GABARAPL2: variants seen among roughly 807,000 people sequenced by gnomAD.
GABARAPL2 encodes the protein GABA type A receptor associated protein like 2, also known as gamma-aminobutyric acid receptor-associated protein-like 2.
Under a neutral mutation model 16.9 loss-of-function variants are expected in GABARAPL2, and 11 were observed. That is an observed-to-expected ratio of 0.65 (90% CI 0.41 to 1.08). The LOEUF (loss-of-function observed/expected upper bound fraction) is 1.08. GABARAPL2 is among the 50% of genes least tolerant of loss of function. The probability of loss-of-function intolerance (pLI) is 0.00; values close to 1 mark genes in which losing one functional copy is unlikely to be tolerated. For missense variants in GABARAPL2, 134 were observed against 142.5 expected (o/e 0.94, Z 0.30); for synonymous variants, 57 against 50.7 (o/e 1.12, Z -0.53).
intron 3 of GABARAPL2, among the ~76,000 whole-genome samples, chr16:75,571,454 AG>A (rs2080914040): frequency 6.6e-6 from 1 of 152,200 alleles, no homozygotes; most frequent in African/African-American, 2.4e-5. Flanking sequence ...TTTCTCTCCA[AG>A]TCCCATTTGC....
At chr16:75,572,669 TG>T (rs2151718898) in intron 3 of GABARAPL2, 1 of 152,308 alleles carries the variant, frequency 6.6e-6, no homozygotes, top group African/African-American at 2.4e-5. Context: ...GTGGAGGGGT[TG>T]GGGAGAGGGC....
In GABARAPL2 at chr16:75,568,235, C is replaced by T. The variant is rs764967250; in HGVS notation, c.263+26C>T. On this transcript the variant is annotated intron_variant, in intron 3 of 3. Transcript: ENST00000037243. ...GTGAGAGGTGTTTACTAGATGGGCC[C>T]TCTGGTATTAGACATCTGGTTGGCT... 7 of 1,532,118 alleles carry T rather than the reference C, an allele frequency of 4.6e-6. No homozygotes were observed. In the South Asian group the frequency reaches 6.8e-5, roughly 15 times the overall value. The allele number at this position is 1,532,118 out of a possible 1,614,324, so 94.9% of individuals were successfully genotyped here. A position where few individuals can be genotyped will look rare whatever the true frequency, so the allele number is the denominator to read the frequency against.
chr16:75,574,165 G>A (rs2080932907), intron 3 of GABARAPL2, among the ~76,000 whole-genome samples: 2 of 152,216 alleles, frequency 1.3e-5, no homozygotes, highest in African/African-American at 4.8e-5. Context: ...TTCAACAGTA[G>A]CGGTCCAGTG....
intron 3 of GABARAPL2, among the ~76,000 whole-genome samples, chr16:75,570,562 C>T (rs1043095416): frequency 1.2e-4 from 19 of 152,284 alleles, no homozygotes; most frequent in African/African-American, 3.9e-4. Context: ...CCTCCCTCTC[C>T]GGTGACTGAC....
At chr16:75,573,237 C>T (rs894078670) in intron 3 of GABARAPL2, among the ~76,000 whole-genome samples, 5 of 152,240 alleles carry the variant, frequency 3.3e-5, no homozygotes, top group African/African-American at 9.6e-5. Context: ...CTTCCATTTG[C>T]ATATCCATTT....
At position 75,577,807 on chromosome 16, in the gene GABARAPL2, GA is replaced by G. The variant is rs199986384; in HGVS notation, c.*439del. On this transcript the variant is annotated 3_prime_UTR_variant, in exon 4 of 4. Coordinates refer to ENST00000037243, the MANE Select transcript of GABARAPL2 (RefSeq NM_007285.7). ...AATATGCCAACTGCCAATCATGTTG[GA>G]CTGAGCTAATTTGTTCCTCTTTCTG... 1.2e-3 allele frequency: 194 copies of G among 159,204 alleles called. 3 individuals are homozygous for G. The East Asian group carries it at 0.032, about 27-fold the overall frequency. The allele number at this position is 159,204 out of a possible 1,614,324, so 9.9% of individuals were successfully genotyped here. A position where few individuals can be genotyped will look rare whatever the true frequency, so the allele number is the denominator to read the frequency against.
At chr16:75,571,337 G>A (rs2080913032) in intron 3 of GABARAPL2, among the ~76,000 whole-genome samples, 1 of 152,218 alleles carries the variant, frequency 6.6e-6, no homozygotes, top group Admixed American at 6.5e-5. Context: ...TAAGAATATG[G>A]TGTTTATTTG....
chr16:75,571,738 G>A (rs1040537444), intron 3 of GABARAPL2, among the ~76,000 whole-genome samples: 9 of 150,878 alleles, frequency 6.0e-5, no homozygotes, highest in African/African-American at 2.2e-4. Flanking sequence ...AGGCAGTGGC[G>A]CGATCTCAGC....
At chr16:75,572,492 A>C (rs2151718812) in intron 3 of GABARAPL2, 1 of 152,428 alleles carries the variant, frequency 6.6e-6, no homozygotes, top group South Asian at 2.1e-4. Context: ...GCATCCATAC[A>C]GTTCTAGGTC....
At chr16:75,569,598 G>A (rs190305068) in intron 3 of GABARAPL2, among the ~76,000 whole-genome samples, 12 of 152,300 alleles carry the variant, frequency 7.9e-5, no homozygotes, top group Admixed American at 3.3e-4. Flanking sequence ...TCCTGGAGGT[G>A]TTGGCTTAGT....
intron 3 of GABARAPL2, among the ~76,000 whole-genome samples, chr16:75,574,013 C>G (rs1377609697): frequency 6.6e-6 from 1 of 152,206 alleles, no homozygotes; most frequent in African/African-American, 2.4e-5. Context: ...TCTGTAGCTA[C>G]TAGGGCACTG....
intron 2 of GABARAPL2, among the ~76,000 whole-genome samples, chr16:75,567,373 G>C (rs948743706): frequency 6.6e-6 from 1 of 152,162 alleles, no homozygotes; most frequent in African/African-American, 2.4e-5. Context: ...GTGAAAAGCC[G>C]CTGAAAACCC....
chr16:75,568,006 A>G (rs375396410), intron 2 of GABARAPL2, 31 bp from the exon 3 acceptor site: 98 of 1,561,208 alleles, frequency 6.3e-5, no homozygotes, highest in Non-Finnish European at 8.0e-5. Flanking sequence ...GCTTTAGGAA[A>G]CACAGTCCTG....
At chr16:75,577,175 T>C (rs560433082) in intron 3 of GABARAPL2, 104 bp from the exon 4 acceptor site, 8 of 741,144 alleles carry the variant, frequency 1.1e-5, no homozygotes, top group South Asian at 1.0e-4. Context: ...ACACAGCAGG[T>C]ACTGACACCT....
chr16:75,569,759 C>T (rs947499404), intron 3 of GABARAPL2, among the ~76,000 whole-genome samples: 1 of 152,184 alleles, frequency 6.6e-6, no homozygotes, highest in Non-Finnish European at 1.5e-5. Context: ...AAAATGGCTA[C>T]AGGTCTTATC....
intron 3 of GABARAPL2, among the ~76,000 whole-genome samples, chr16:75,573,530 A>T: frequency 6.6e-6 from 1 of 152,254 alleles, no homozygotes; most frequent in Non-Finnish European, 1.5e-5. Flanking sequence ...GTGTGTCAGA[A>T]AAGGAGAAAT....
chr16:75,575,722 A>G (rs2080945451), intron 3 of GABARAPL2: 1 of 152,186 alleles, frequency 6.6e-6, no homozygotes, highest in Non-Finnish European at 1.5e-5. Flanking sequence ...AACTGCTGGG[A>G]TTACAGGTGT....
intron 3 of GABARAPL2, among the ~76,000 whole-genome samples, chr16:75,569,667 C>A (rs1264425369): frequency 6.6e-6 from 1 of 152,172 alleles, no homozygotes; most frequent in East Asian, 1.9e-4. Context: ...AATTCTGATT[C>A]TCTGGTTCTT....
At chr16:75,567,035 A>C in intron 2 of GABARAPL2, 128 bp downstream of exon 2, 1 of 830,046 alleles carries the variant, frequency 1.2e-6, no homozygotes, top group Non-Finnish European at 2.0e-6. Flanking sequence ...GACGGGCCAG[A>C]CCGGGATGAG....
Sources: gnomAD v4.1 joint callset for allele counts (sites outside exome capture counted in the v4.1 genomes callset) on GRCh38, gnomAD v4.1.1 for gene constraint, MANE v1.5 for transcripts, NCBI Gene and HGNC (gene_info 2026-07-23, HGNC 2026-07-21) for gene names.